The following NALCN variants were observed in gnomAD, a reference collection of about 807,000 sequenced individuals.
NALCN encodes sodium leak channel NALCN.
In NALCN, 111 loss-of-function variants were observed where a neutral mutation model predicts 225.3. That is an observed-to-expected ratio of 0.49 (90% CI 0.42 to 0.58). The LOEUF is 0.58. NALCN is among the 20% of genes least tolerant of loss of function. The probability of loss-of-function intolerance (pLI) is 0.00; values close to 1 mark genes in which losing one functional copy is unlikely to be tolerated. For missense variants in NALCN, 1,378 were observed against 2,202.4 expected (o/e 0.63, Z 7.49); for synonymous variants, 764 against 769.0 (o/e 0.99, Z 0.11).
chr13:101,345,771 T>TATATATATATATATATATATATATA (rs56015893), intron 6 of NALCN, among the ~76,000 whole-genome samples: 29 of 116,988 alleles, frequency 2.5e-4, no homozygotes, highest in Non-Finnish European at 3.3e-4. Context: ...TATATATATA[T>TATATATATATATATATATATATATA]TTAGAGAGGG....
At chr13:101,371,808 T>C (rs2046547288) in intron 6 of NALCN, among the ~76,000 whole-genome samples, 1 of 152,184 alleles carries the variant, frequency 6.6e-6, no homozygotes, top group South Asian at 2.1e-4. Flanking sequence ...TTCTTCTTCA[T>C]TTACGCTCTT....
chr13:101,411,583 C>T (rs926733279), intron 1 of NALCN, among the ~76,000 whole-genome samples: 24 of 152,032 alleles, frequency 1.6e-4, no homozygotes, highest in Non-Finnish European at 2.6e-4. Context: ...CTCCTGACCT[C>T]GTGATCCACC....
intron 6 of NALCN, among the ~76,000 whole-genome samples, chr13:101,369,989 T>C (rs1163502831): frequency 2.0e-5 from 3 of 152,220 alleles, no homozygotes; most frequent in African/African-American, 7.2e-5. Context: ...AGCAACTTAC[T>C]TTTCTCTGTT....
At chr13:101,073,720 G>A in intron 36 of NALCN, 43 bp from the exon 37 acceptor site, 2 of 1,538,740 alleles carry the variant, frequency 1.3e-6, no homozygotes, top group Non-Finnish European at 8.9e-7. Context: ...AATTATAGAA[G>A]GGTTTGTCAT....
intron 7 of NALCN, among the ~76,000 whole-genome samples, chr13:101,317,571 A>C (rs1284512991): frequency 6.6e-6 from 1 of 152,282 alleles, no homozygotes; most frequent in Non-Finnish European, 1.5e-5. Flanking sequence ...GATCCACCTG[A>C]TCTGGTCAAT....
chr13:101,066,025 T>C (rs1435768664), intron 39 of NALCN, among the ~76,000 whole-genome samples: 3 of 152,196 alleles, frequency 2.0e-5, no homozygotes, highest in African/African-American at 7.2e-5. Flanking sequence ...GTTTATTACA[T>C]GTTTTTCTAC....
intron 40 of NALCN, among the ~76,000 whole-genome samples, chr13:101,064,235 C>T (rs2032186976): frequency 6.6e-6 from 1 of 152,102 alleles, no homozygotes; most frequent in African/African-American, 2.4e-5. Flanking sequence ...GGTTTGTTGC[C>T]TACGTTCATC....
chr13:101,247,454 T>C (rs868547872), intron 11 of NALCN, among the ~76,000 whole-genome samples: 4 of 151,952 alleles, frequency 2.6e-5, no homozygotes, highest in African/African-American at 2.4e-5. Context: ...GAAGTGATCA[T>C]AGAGGGAGGG....
At chr13:101,164,278 G>T (rs915453392) in intron 15 of NALCN, among the ~76,000 whole-genome samples, 14 of 152,042 alleles carry the variant, frequency 9.2e-5, no homozygotes, top group African/African-American at 3.4e-4. Flanking sequence ...CCAGTTGGCT[G>T]TTTCTATCTT....
chr13:101,055,427 G>C lies in NALCN; in HGVS notation c.5085C>G (p.Thr1695=), dbSNP rs777652451. 2 of 1,614,100 alleles carry C rather than the reference G, an allele frequency of 1.2e-6. No homozygotes were observed. The highest frequency in any genetic ancestry group is 1.1e-5 in the South Asian group (1 of 91,074). The change falls in exon 44 of 44, where the codon ACC becomes ACG. Residue 1695 remains threonine (T), a synonymous_variant. Coordinates refer to ENST00000251127, the MANE Select transcript of NALCN (RefSeq NM_052867.4). ...SVNLRFGGRT[T]MKSVVCKMNP... is the part of the protein sequence containing the mutation. ...TCATTTTGCACACGACAGATTTCAT[G>C]GTTGTCCTTCCTCCAAACCGTAAGT...
chr13:101,395,145 A>T, intron 3 of NALCN, 38 bp downstream of exon 3: 1 of 1,578,490 alleles, frequency 6.3e-7, no homozygotes, highest in Non-Finnish European at 8.6e-7. Flanking sequence ...CTTTCAACAC[A>T]TTTAGGTTCT....
intron 3 of NALCN, among the ~76,000 whole-genome samples, chr13:101,378,967 T>C (rs371768116): frequency 6.6e-6 from 1 of 152,154 alleles, no homozygotes; most frequent in African/African-American, 2.4e-5. Context: ...AAATATGCTA[T>C]GTAGGTCCTA....
chr13:101,339,674 A>G (rs2045493809), intron 7 of NALCN, among the ~76,000 whole-genome samples: 1 of 152,152 alleles, frequency 6.6e-6, no homozygotes, highest in African/African-American at 2.4e-5. Flanking sequence ...AAGGCGCTGA[A>G]AGGGAGAGGC....
intron 3 of NALCN, among the ~76,000 whole-genome samples, chr13:101,394,843 A>T (rs573156109): frequency 6.6e-6 from 1 of 152,294 alleles, no homozygotes; most frequent in Admixed American, 6.5e-5. Flanking sequence ...ACAAATAATA[A>T]GGTGCTTCTC....
At chr13:101,250,125 T>G (rs1022710819) in intron 11 of NALCN, among the ~76,000 whole-genome samples, 3 of 152,038 alleles carry the variant, frequency 2.0e-5, no homozygotes, top group African/African-American at 7.2e-5. Context: ...AAAGAAACTG[T>G]AGGATATGTA....
At chr13:101,098,880 G>T (rs1322979098) in intron 27 of NALCN, among the ~76,000 whole-genome samples, 3 of 151,874 alleles carry the variant, frequency 2.0e-5, no homozygotes, top group East Asian at 3.9e-4. Context: ...TGGTGCTGGT[G>T]CTCTCTATGA....
At chr13:101,366,912 G>A (rs57021468) in intron 6 of NALCN, among the ~76,000 whole-genome samples, 31,456 of 151,840 alleles carry the variant, frequency 0.21, 3,392 homozygotes, top group African/African-American at 0.24. Flanking sequence ...TTGATCAGCA[G>A]CTCCTCATTC....
intron 40 of NALCN, among the ~76,000 whole-genome samples, 153 bp from the exon 41 acceptor site, chr13:101,062,271 G>A (rs999218965): frequency 6.6e-6 from 1 of 152,150 alleles, no homozygotes; most frequent in Non-Finnish European, 1.5e-5. Context: ...GGCTGGTCCT[G>A]TCACCTCTCT....
intron 30 of NALCN, among the ~76,000 whole-genome samples, chr13:101,087,403 T>G (rs1195991654): frequency 6.6e-6 from 1 of 151,600 alleles, no homozygotes; most frequent in Non-Finnish European, 1.5e-5. Context: ...TGGCACCTAG[T>G]AGATGCTCAA....
Sources: allele counts gnomAD v4.1 joint callset (sites outside exome capture counted in the v4.1 genomes callset), GRCh38; gene constraint gnomAD v4.1.1; transcripts MANE v1.5; gene names NCBI Gene and HGNC (gene_info 2026-07-23, HGNC 2026-07-21).